Variants in TOM1L1 observed in about 807,000 individuals in gnomAD.
TOM1L1 encodes the protein TOM1-like protein 1.
Under a neutral mutation model 63.4 loss-of-function variants are expected in TOM1L1, and 64 were observed. The observed-to-expected ratio is 1.01, with a 90% CI of 0.83 to 1.24. The LOEUF (loss-of-function observed/expected upper bound fraction) is 1.24. Ranked by LOEUF, TOM1L1 falls within the 50% of genes most tolerant of loss-of-function variation. The pLI, the probability that TOM1L1 is intolerant of heterozygous loss-of-function variation, is 0.00. For missense variants in TOM1L1, 536 were observed against 567.0 expected (o/e 0.95, Z 0.55); for synonymous variants, 166 against 194.4 (o/e 0.85, Z 1.22).
intron 7 of TOM1L1, among the ~76,000 whole-genome samples, chr17:54,921,447 TA>T (rs1363463249): frequency 6.6e-6 from 1 of 152,186 alleles, no homozygotes; most frequent in East Asian, 1.9e-4. Flanking sequence ...GTGGCATTTA[TA>T]TACATTCAGG....
intron 10 of TOM1L1, 58 bp downstream of exon 10, chr17:54,937,284 T>G: frequency 7.6e-7 from 1 of 1,315,332 alleles, no homozygotes; most frequent in Admixed American, 1.7e-5. Context: ...TAAACAGTTC[T>G]CCTTAATTAC....
chr17:54,932,499 T>G (rs910401553), intron 8 of TOM1L1, among the ~76,000 whole-genome samples: 1 of 152,112 alleles, frequency 6.6e-6, no homozygotes, highest in African/African-American at 2.4e-5. Context: ...GAGGCAGAAA[T>G]TGGGCATAAG....
chr17:54,930,107 G>A lies in TOM1L1; in HGVS notation c.755G>A (p.Arg252Lys). ...AAAACAGGTCGGGAGATGCAGGAGA[G>A]GATCATGGACCTGCTTGTGGTGGTG... ...LYKTGREMQE[R>K]IMDLLVVVEN... The change falls in exon 8 of 16, where the codon AGG (arginine) becomes AAG (lysine). Residue 252 changes from arginine to lysine, a missense_variant. By Grantham distance (26) the Arg-to-Lys change is conservative. Transcript: ENST00000575882. The A allele has an allele frequency of 6.2e-7, 1 of 1,614,080 alleles. No individual in the cohort carries two copies. The highest frequency in any genetic ancestry group is 8.5e-7 in the Non-Finnish European group (1 of 1,180,000).
intron 12 of TOM1L1, among the ~76,000 whole-genome samples, chr17:54,948,468 C>T (rs771275222): frequency 6.6e-6 from 1 of 152,162 alleles, no homozygotes; most frequent in Non-Finnish European, 1.5e-5. Context: ...TGGCCTCCCC[C>T]ACTTCAGAGA....
At chr17:54,910,323 G>T (rs1301892071) in intron 3 of TOM1L1, among the ~76,000 whole-genome samples, 1 of 152,122 alleles carries the variant, frequency 6.6e-6, no homozygotes, top group Non-Finnish European at 1.5e-5. Flanking sequence ...GGGCATGGTG[G>T]TGCACGCCTG....
At chr17:54,950,005 A>G in intron 13 of TOM1L1, 40 bp from the exon 14 acceptor site, 1 of 1,534,460 alleles carries the variant, frequency 6.5e-7, no homozygotes. Flanking sequence ...TACTCCTCAA[A>G]AAGCACAATA....
intron 3 of TOM1L1, among the ~76,000 whole-genome samples, chr17:54,907,879 G>A (rs763334267): frequency 1.3e-5 from 2 of 152,232 alleles, no homozygotes; most frequent in South Asian, 4.1e-4. Context: ...TCTCCATTGT[G>A]CCCAGCCTAC....
chr17:54,927,762 C>T (rs2048791977), intron 7 of TOM1L1, among the ~76,000 whole-genome samples: 1 of 152,144 alleles, frequency 6.6e-6, no homozygotes, highest in Admixed American at 6.5e-5. Flanking sequence ...GCTTGGCTTC[C>T]AGGTGGCTTG....
At position 54,902,953 on chromosome 17, in the gene TOM1L1, G is replaced by A. The variant is rs181889887; in HGVS notation, c.59-755G>A. Reference sequence around the variant, plus strand: ...TCGGATAGTTATCCAGCGCCAGTTTGAAATAATTAAGGCTGAAAGTAAAAG... The same window carrying A: ...TCGGATAGTTATCCAGCGCCAGTTTAAAATAATTAAGGCTGAAAGTAAAAG... On this transcript the variant is annotated intron_variant, in intron 1 of 15. Coordinates refer to ENST00000575882, the MANE Select transcript of TOM1L1 (RefSeq NM_005486.3). Among the ~76,000 whole-genome samples the A allele has an allele frequency of 1.8e-4, 28 of 152,282 alleles. No homozygotes were observed. The South Asian group carries it at 5.2e-3, about 28-fold the overall frequency.
intron 15 of TOM1L1, 45 bp from the exon 16 acceptor site, chr17:54,961,189 GA>G: frequency 1.6e-6 from 2 of 1,256,432 alleles, no homozygotes; most frequent in African/African-American, 3.0e-5. Flanking sequence ...AATGGGGAAA[GA>G]GAAGGACAGG....
At chr17:54,913,904 TA>T in intron 5 of TOM1L1, 31 bp downstream of exon 5, 1 of 1,583,252 alleles carries the variant, frequency 6.3e-7, no homozygotes. Context: ...CCATGGAGAC[TA>T]TAGTAGTGTA....
chr17:54,943,107 T>C (rs1399964430), intron 11 of TOM1L1, among the ~76,000 whole-genome samples: 1 of 152,222 alleles, frequency 6.6e-6, no homozygotes, highest in Non-Finnish European at 1.5e-5. Flanking sequence ...GATAGTAATA[T>C]AGCCACTCTA....
In TOM1L1 at chr17:54,949,611, A is replaced by C; in HGVS notation, c.1276A>C (p.Ser426Arg). ...PSNQSLPPLP[S>R]NHPAMTKSDL... Reference sequence around the variant, plus strand: ...AAACCAGAGTCTGCCACCTTTGCCCAGCAATCATCCAGGTACATGGGACCT... The same window carrying C: ...AAACCAGAGTCTGCCACCTTTGCCCCGCAATCATCCAGGTACATGGGACCT... Residue 426 changes from serine (S) to arginine (R), a missense_variant, in exon 13 of 16, where the codon AGC (serine) becomes CGC (arginine). By Grantham distance (110) the Ser-to-Arg change is moderately radical. Transcript: ENST00000575882. 1 of 1,613,450 alleles carries C rather than the reference A, an allele frequency of 6.2e-7. No homozygotes were observed. The highest frequency in any genetic ancestry group is 8.5e-7 in the Non-Finnish European group (1 of 1,179,384).
chr17:54,956,842 GT>G (rs2049533762), intron 14 of TOM1L1: 1 of 149,742 alleles, frequency 6.7e-6, no homozygotes, highest in Admixed American at 6.6e-5. Context: ...GTTTTATGGG[GT>G]GATAGAGAGG....
At chr17:54,942,323 G>T (rs1205404540) in intron 11 of TOM1L1, 4 of 149,588 alleles carry the variant, frequency 2.7e-5, no homozygotes, top group African/African-American at 9.9e-5. Context: ...GCCAGGCTGT[G>T]GTCTCAAACT....
At chr17:54,908,645 C>A (rs1261875716) in intron 3 of TOM1L1, among the ~76,000 whole-genome samples, 2 of 152,138 alleles carry the variant, frequency 1.3e-5, no homozygotes, top group Non-Finnish European at 2.9e-5. Context: ...CCTGACTGTA[C>A]TATGATTTCC....
At chr17:54,957,595 G>T (rs1405553021) in intron 14 of TOM1L1, 3 of 152,128 alleles carry the variant, frequency 2.0e-5, no homozygotes, top group Non-Finnish European at 4.4e-5. Flanking sequence ...CTTTCTTTCT[G>T]GGGGTCAGAA....
rs1486281955 is a variant in TOM1L1, at chr17:54,961,913, A to C, written c.*680A>C. 1.1e-6 allele frequency: 1 copy of C among 899,322 alleles called. No homozygotes were observed. Among genetic ancestry groups the C allele is most frequent in the African/African-American group, 1.8e-5 (1 of 55,594 alleles). 55.7% of individuals were successfully genotyped at this position (899,322 alleles called of 1,614,324 possible). A position where few individuals can be genotyped will look rare whatever the true frequency, so the allele number is the denominator to read the frequency against. On this transcript the variant is annotated 3_prime_UTR_variant, in exon 16 of 16. Coordinates refer to ENST00000575882, the MANE Select transcript of TOM1L1 (RefSeq NM_005486.3). ...GAACACAGAAAATGAAAATATTTAGAATAAGTTGTACATTTGATGACAAAT... is the reference window on the plus strand; with the variant it reads ...GAACACAGAAAATGAAAATATTTAGCATAAGTTGTACATTTGATGACAAAT...
At chr17:54,947,898 C>T (rs2049145967) in intron 12 of TOM1L1, among the ~76,000 whole-genome samples, 1 of 152,098 alleles carries the variant, frequency 6.6e-6, no homozygotes, top group South Asian at 2.1e-4. Flanking sequence ...AGCCCAGACC[C>T]CTTCTCTAAA....
Sources: allele counts gnomAD v4.1 joint callset (sites outside exome capture counted in the v4.1 genomes callset), GRCh38; gene constraint gnomAD v4.1.1; transcripts MANE v1.5; gene names NCBI Gene and HGNC (gene_info 2026-07-23, HGNC 2026-07-21).